Variants in CDKL3 observed in about 807,000 individuals in gnomAD.
CDKL3 encodes the protein cyclin dependent kinase like 3.
Under a neutral mutation model 69.3 loss-of-function variants are expected in CDKL3, and 65 were observed. The ratio of observed to expected loss-of-function variants is 0.94; its 90% CI spans 0.77 to 1.15. CDKL3 has a LOEUF of 1.15. CDKL3 is among the 50% of genes most tolerant of loss of function. The pLI, the probability that CDKL3 is intolerant of heterozygous loss-of-function variation, is 0.00. For synonymous variants in CDKL3, 202 were observed against 221.6 expected (o/e 0.91, Z 0.79); for missense variants, 652 against 689.2 (o/e 0.95, Z 0.61).
In CDKL3 at chr5:134,366,545, C is replaced by T; in HGVS notation, c.-21-1G>A. ...CCATTTTCAAGCTGGGCTTTTACTA[C>T]TTTATAGAAATAAAGAAAGAAAATG... On this transcript the variant is annotated splice_acceptor_variant, in intron 1 of 12. Coordinates refer to ENST00000265334, the MANE Select transcript of CDKL3 (RefSeq NM_001113575.2). LOFTEE classifies it low-confidence loss of function (5UTR_SPLICE). 6 of 1,554,680 alleles carry T rather than the reference C, an allele frequency of 3.9e-6. No homozygotes were observed. Among genetic ancestry groups the T allele is most frequent in the Non-Finnish European group, 5.2e-6 (6 of 1,149,278 alleles).
chr5:134,299,977 T>C (rs1765922688), intron 12 of CDKL3, among the ~76,000 whole-genome samples: 1 of 152,208 alleles, frequency 6.6e-6, no homozygotes, highest in African/African-American at 2.4e-5. Context: ...CCCAGTAATT[T>C]AGTCTCTCTC....
intron 4 of CDKL3, among the ~76,000 whole-genome samples, chr5:134,326,839 A>G (rs868030030): frequency 0.021 from 2,234 of 104,780 alleles, 47 homozygotes; most frequent in Middle Eastern, 0.05. Context: ...ATATATATAT[A>G]TATATATATA....
At chr5:134,356,793 TAAATAAAATAA>T (rs1226044691) in intron 3 of CDKL3, among the ~76,000 whole-genome samples, 2 of 151,822 alleles carry the variant, frequency 1.3e-5, no homozygotes, top group African/African-American at 2.4e-5. Context: ...CAAAAATAAA[TAAATAAAATAA>T]AAATAAAATA....
chr5:134,366,161 G>A (rs554543975), intron 2 of CDKL3, among the ~76,000 whole-genome samples, 198 bp downstream of exon 2: 3 of 152,090 alleles, frequency 2.0e-5, no homozygotes, highest in African/African-American at 7.2e-5. Flanking sequence ...AAACAATATT[G>A]GTGTAGCTTT....
Position 134,308,563 on chromosome 5 carries a change from A to G in CDKL3, c.1035+11T>C. On this transcript the variant is annotated intron_variant, in intron 8 of 12. Transcript: ENST00000265334. The stretch of plus-strand genomic sequence containing the variant: ...AATTATACTGGCTGAAACAAAAACC[A>G]AAGTTCTTACCTTTCCCAAAACTGA... 1 of 1,569,284 alleles carries G rather than the reference A, an allele frequency of 6.4e-7. No individual in the cohort carries two copies. The highest frequency in any genetic ancestry group is 8.6e-7 in the Non-Finnish European group (1 of 1,165,864).
intron 12 of CDKL3, among the ~76,000 whole-genome samples, chr5:134,299,034 G>A (rs150462195): frequency 0.011 from 1,603 of 152,086 alleles, 18 homozygotes; most frequent in African/African-American, 0.035. Flanking sequence ...CACAATGTCC[G>A]GCTAATTTTT....
chr5:134,359,259 T>C (rs1404108821), intron 3 of CDKL3, among the ~76,000 whole-genome samples: 1 of 151,742 alleles, frequency 6.6e-6, no homozygotes, highest in African/African-American at 2.4e-5. Context: ...GATCATGCCA[T>C]TGTACTCCAG....
chr5:134,339,168 A>C (rs1749805662), intron 4 of CDKL3, among the ~76,000 whole-genome samples: 1 of 152,146 alleles, frequency 6.6e-6, no homozygotes, highest in Non-Finnish European at 1.5e-5. Context: ...TCTCACAAAA[A>C]ATAAATAAAT....
downstream of CDKL3, among the ~76,000 whole-genome samples, chr5:134,283,921 GT>G (rs1764737525): frequency 6.6e-6 from 1 of 152,258 alleles, no homozygotes; most frequent in Admixed American, 6.5e-5. Context: ...GGGGCTACAG[GT>G]CCCATGCAAA....
chr5:134,295,997 C>T (rs541905370), downstream of CDKL3, among the ~76,000 whole-genome samples: 5 of 152,154 alleles, frequency 3.3e-5, no homozygotes, highest in South Asian at 2.1e-4. Context: ...TCCGGGTTCA[C>T]GCCATTCTCC....
At chr5:134,354,675 G>A (rs1015204847) in intron 3 of CDKL3, among the ~76,000 whole-genome samples, 4 of 152,138 alleles carry the variant, frequency 2.6e-5, no homozygotes, top group South Asian at 2.1e-4. Flanking sequence ...GGAGCCGGGC[G>A]CGGTGGCTCA....
At chr5:134,302,414 T>A (rs1384066767) in intron 12 of CDKL3, among the ~76,000 whole-genome samples, 176 bp downstream of exon 12, 3 of 152,220 alleles carry the variant, frequency 2.0e-5, no homozygotes, top group Admixed American at 2.0e-4. Context: ...AAAATAACTT[T>A]TAGAAACTTT....
At chr5:134,360,941 C>G (rs901618619) in intron 2 of CDKL3, among the ~76,000 whole-genome samples, 1 of 152,134 alleles carries the variant, frequency 6.6e-6, no homozygotes, top group Non-Finnish European at 1.5e-5. Context: ...GATATGTGAA[C>G]TACCAATTTA....
In CDKL3 at chr5:134,350,277, AT is replaced by A. The variant is rs1483848529; in HGVS notation, c.510del (p.Glu170AspfsTer2). On this transcript the variant is annotated frameshift_variant, in exon 4 of 13. Transcript: ENST00000265334. LOFTEE classifies it high-confidence loss of function. Reference protein sequence around the residue: ...YVATRWYRAPELVLKDTSYGK... With the variant: ...YVATRWYRAPXLVLKDTSYGK... ...CCATAAGAAGTATCTTTTAATACTA[AT>A]TCGGGAGCTCTATACCAGCGTGTGG... 3.8e-6 allele frequency: 6 copies of A among 1,586,134 alleles called. No homozygotes were observed. The highest frequency in any genetic ancestry group is 5.1e-6 in the Non-Finnish European group (6 of 1,166,572).
intron 8 of CDKL3, among the ~76,000 whole-genome samples, chr5:134,293,175 C>G (rs1345227256): frequency 6.6e-6 from 1 of 151,814 alleles, no homozygotes; most frequent in Non-Finnish European, 1.5e-5. Flanking sequence ...CATGCGCCAC[C>G]ACGCCCAGCT....
chr5:134,317,502 T>C (rs1318953647), intron 6 of CDKL3, among the ~76,000 whole-genome samples: 2 of 152,194 alleles, frequency 1.3e-5, no homozygotes, highest in African/African-American at 4.8e-5. Flanking sequence ...CTTATGCCTG[T>C]GATCCCAATA....
At chr5:134,299,372 C>T (rs1054683134) in intron 12 of CDKL3, 7 of 483,350 alleles carry the variant, frequency 1.4e-5, no homozygotes, top group East Asian at 7.4e-5. Context: ...TAAACCAATG[C>T]TAAGAATGAC....
intron 4 of CDKL3, among the ~76,000 whole-genome samples, chr5:134,324,020 A>T (rs1773480350): frequency 6.6e-6 from 1 of 152,224 alleles, no homozygotes. Flanking sequence ...TAACCCAATT[A>T]AAAAATGGGC....
chr5:134,303,756 C>T (rs1270206800), intron 11 of CDKL3, among the ~76,000 whole-genome samples: 2 of 151,404 alleles, frequency 1.3e-5, no homozygotes, highest in South Asian at 2.1e-4. Flanking sequence ...AGGCTAGGCA[C>T]GAGAATCACT....
Sources: gnomAD v4.1 joint callset for allele counts (sites outside exome capture counted in the v4.1 genomes callset) on GRCh38, gnomAD v4.1.1 for gene constraint, MANE v1.5 for transcripts, NCBI Gene and HGNC (gene_info 2026-07-23, HGNC 2026-07-21) for gene names.